The following ERC2 variants were observed in gnomAD, a reference collection of about 807,000 sequenced individuals.
ERC2 encodes ELKS/RAB6-interacting/CAST family member 2.
A neutral mutation model predicts 114.8 loss-of-function variants in ERC2; 42 were observed. The ratio of observed to expected loss-of-function variants is 0.37; its 90% CI spans 0.29 to 0.47. The LOEUF (loss-of-function observed/expected upper bound fraction) is 0.47, where lower values mean the gene tolerates loss of function less well. Among genes scored for constraint, ERC2 ranks in the 20% least tolerant of loss-of-function variants. The probability of loss-of-function intolerance (pLI) is 0.99; values close to 1 mark genes in which losing one functional copy is unlikely to be tolerated. For missense variants in ERC2, 939 were observed against 1,150.7 expected (o/e 0.82, Z 2.66); for synonymous variants, 454 against 425.5 (o/e 1.07, Z -0.82).
intron 3 of ERC2, among the ~76,000 whole-genome samples, chr3:56,266,645 C>T (rs1185873434): frequency 6.6e-6 from 1 of 152,114 alleles, no homozygotes; most frequent in Non-Finnish European, 1.5e-5. Context: ...CCTTTAGTCC[C>T]AGCTACTCGG....
At chr3:55,536,001 AAAAC>A (rs1486080086) in intron 17 of ERC2, among the ~76,000 whole-genome samples, 1 of 152,208 alleles carries the variant, frequency 6.6e-6, no homozygotes, top group East Asian at 1.9e-4. Flanking sequence ...CTCCATCTCA[AAAAC>A]AAAACAACAA....
chr3:55,684,651 C>T (rs1051248644), intron 16 of ERC2, among the ~76,000 whole-genome samples: 1 of 152,180 alleles, frequency 6.6e-6, no homozygotes, highest in African/African-American at 2.4e-5. Context: ...GGTTGGAATT[C>T]TTGTTGAAAA....
intron 6 of ERC2, among the ~76,000 whole-genome samples, chr3:56,084,114 C>T (rs557333424): frequency 1.9e-4 from 29 of 152,118 alleles, no homozygotes; most frequent in African/African-American, 5.8e-4. Context: ...ATGAAAAATG[C>T]TCAACATCAC....
At chr3:55,978,667 A>G in intron 12 of ERC2, among the ~76,000 whole-genome samples, 1 of 152,226 alleles carries the variant, frequency 6.6e-6, no homozygotes, top group East Asian at 1.9e-4. Context: ...ATGAGAGGTA[A>G]GCTATAATAT....
chr3:55,873,360 T>C (rs1209530318), intron 14 of ERC2, among the ~76,000 whole-genome samples: 1 of 152,312 alleles, frequency 6.6e-6, no homozygotes, highest in East Asian at 1.9e-4. Flanking sequence ...CTGTATGACC[T>C]GGGACTAGTT....
chr3:55,762,356 C>T (rs1030372733), intron 14 of ERC2, among the ~76,000 whole-genome samples: 7 of 152,170 alleles, frequency 4.6e-5, no homozygotes, highest in African/African-American at 1.7e-4. Context: ...GTCTTCCTGT[C>T]TGCTACCTTG....
Position 55,899,455 on chromosome 3 carries a change from A to G in ERC2, c.2404-10906T>C, listed in dbSNP as rs75973653. ...TACATACACAAACATATATGTATAC[A>G]ATCTTCAAAAAAATTAGTTACAAAA... On this transcript the variant is annotated intron_variant, in intron 13 of 17. Transcript: ENST00000288221. Among the ~76,000 whole-genome samples the G allele has an allele frequency of 9.2e-5, 14 of 152,304 alleles. No individual in the cohort carries two copies. The East Asian group carries it at 2.7e-3, about 29-fold the overall frequency.
chr3:56,125,734 A>G (rs948514124), intron 6 of ERC2, among the ~76,000 whole-genome samples: 1 of 152,222 alleles, frequency 6.6e-6, no homozygotes, highest in African/African-American at 2.4e-5. Context: ...TCCTTCTGAA[A>G]GTATACTTTA....
chr3:55,526,270 G>T (rs569666752), intron 17 of ERC2, among the ~76,000 whole-genome samples: 3 of 152,300 alleles, frequency 2.0e-5, no homozygotes, highest in East Asian at 1.9e-4. Context: ...AACCATGAAA[G>T]AATAAATTTC....
chr3:55,516,221 A>T (rs1158393091), intron 17 of ERC2, among the ~76,000 whole-genome samples: 1 of 150,718 alleles, frequency 6.6e-6, no homozygotes, highest in Non-Finnish European at 1.5e-5. Context: ...CTCACAGGAA[A>T]ACCCAATAGA....
chr3:56,405,893 T>C lies in ERC2; in HGVS notation c.657+28458A>G, dbSNP rs536481808. 2.2e-4 allele frequency among the ~76,000 whole-genome samples: 31 copies of C among 140,558 alleles called. 1 individual carries two copies. In the South Asian group the frequency reaches 6.2e-3, roughly 28 times the overall value. 92.2% of individuals were successfully genotyped at this position (140,558 alleles called of 152,430 possible). ...AGGATATGAACTTTTTTTTCTTTTT[T>C]TTTTTTTTTTTTTTTTTGAGATAGA... is the stretch of plus-strand genomic sequence containing the variant. On this transcript the variant is annotated intron_variant, in intron 2 of 17. Coordinates refer to ENST00000288221, the MANE Select transcript of ERC2 (RefSeq NM_015576.3).
At chr3:55,968,087 C>CTGTT (rs2068886166) in intron 12 of ERC2, among the ~76,000 whole-genome samples, 1 of 152,106 alleles carries the variant, frequency 6.6e-6, no homozygotes, top group Non-Finnish European at 1.5e-5. Context: ...TCATAGTGAA[C>CTGTT]TCAAATCTGC....
intron 3 of ERC2, among the ~76,000 whole-genome samples, chr3:56,222,856 G>A (rs1044938471): frequency 6.6e-6 from 1 of 152,340 alleles, no homozygotes; most frequent in Non-Finnish European, 1.5e-5. Context: ...TGGAAAAAAG[G>A]AGACCTCTAG....
At chr3:56,018,134 A>G (rs2073436014) in intron 8 of ERC2, among the ~76,000 whole-genome samples, 1 of 152,196 alleles carries the variant, frequency 6.6e-6, no homozygotes, top group African/African-American at 2.4e-5. Context: ...TAGTGATAAC[A>G]TTACATCTAC....
intron 2 of ERC2, among the ~76,000 whole-genome samples, chr3:56,427,091 G>T (rs537136570): frequency 2.7e-4 from 41 of 151,684 alleles, no homozygotes; most frequent in Non-Finnish European, 6.0e-4. Context: ...ACCCCAGGGA[G>T]GTAAAGGTTG....
intron 12 of ERC2, among the ~76,000 whole-genome samples, chr3:55,955,715 CTTT>C (rs1296741997): frequency 6.6e-6 from 1 of 152,122 alleles, no homozygotes; most frequent in Non-Finnish European, 1.5e-5. Flanking sequence ...TTATACCAGT[CTTT>C]TTGTGGATAT....
chr3:55,613,654 C>A (rs78575283), intron 17 of ERC2, among the ~76,000 whole-genome samples: 1 of 152,022 alleles, frequency 6.6e-6, no homozygotes, highest in Admixed American at 6.6e-5. Flanking sequence ...GTGAAGAAGT[C>A]GGGATAATGG....
chr3:55,883,930 C>CAA (rs1217052884), intron 14 of ERC2, among the ~76,000 whole-genome samples: 127 of 143,696 alleles, frequency 8.8e-4, no homozygotes, highest in Middle Eastern at 3.6e-3. Flanking sequence ...AACAACAACA[C>CAA]CACAAAACTG....
rs1217171546 is a variant in ERC2, at chr3:56,248,593, T to G, written c.1074+47426A>C. Among the ~76,000 whole-genome samples, 6 of 152,338 alleles carry G rather than the reference T, an allele frequency of 3.9e-5. No homozygotes were observed. The East Asian group carries it at 1.2e-3, about 29-fold the overall frequency. The stretch of plus-strand genomic sequence containing the variant: ...CTCTGCTTTCAATAGCGTCCCATCC[T>G]TGCCAACAATTATGCAAACATTTGC... On this transcript the variant is annotated intron_variant, in intron 3 of 17. Transcript: ENST00000288221.
Sources: gnomAD v4.1 joint callset for allele counts (sites outside exome capture counted in the v4.1 genomes callset) on GRCh38, gnomAD v4.1.1 for gene constraint, MANE v1.5 for transcripts, NCBI Gene and HGNC (gene_info 2026-07-23, HGNC 2026-07-21) for gene names.